IGHMBP2: variants seen among roughly 807,000 people sequenced by gnomAD.
IGHMBP2 encodes the protein DNA-binding protein SMUBP-2.
IGHMBP2 carries 81 observed loss-of-function variants against 96.0 expected under a neutral mutation model. That is an observed-to-expected ratio of 0.84 (90% confidence interval 0.71 to 1.01). IGHMBP2 has a LOEUF of 1.01. Ranked by LOEUF, IGHMBP2 falls within the 50% of genes least tolerant of loss-of-function variation. The pLI is 0.00. For synonymous variants in IGHMBP2, 557 were observed against 548.9 expected, an observed-to-expected ratio of 1.01 and a Z score of -0.21; for missense variants, 1,227 against 1,306.3, an observed-to-expected ratio of 0.94 and a Z score of 0.94.
chr11:68,907,461 G>T (rs533268912), intron 2 of IGHMBP2, among the ~76,000 whole-genome samples: 1 of 152,162 alleles, frequency 6.6e-6, no homozygotes, highest in South Asian at 2.1e-4. Flanking sequence ...TTAACCACAC[G>T]CCTGGGATGC....
rs373408947 is a variant in IGHMBP2, at chr11:68,939,571, G to T, written c.2822G>T (p.Arg941Leu). Residue 941 changes from arginine (R) to leucine (L), a missense_variant, in exon 15 of 15, where the codon CGG (arginine) becomes CTG (leucine). Coordinates refer to ENST00000255078, the MANE Select transcript of IGHMBP2 (RefSeq NM_002180.3). Reference sequence around the variant, plus strand: ...GGTGAGAGGGCTCGCGCCCATGCCCGGCAGAGAATCAGCCGGGAAGGGGTC... The same window carrying T: ...GGTGAGAGGGCTCGCGCCCATGCCCTGCAGAGAATCAGCCGGGAAGGGGTC... The part of the protein sequence containing the change: ...GCGERARAHA[R>L]QRISREGVLY... 6.2e-7 allele frequency: 1 copy of T among 1,612,800 alleles called. No homozygotes were observed. Among genetic ancestry groups the T allele is most frequent in the Non-Finnish European group, 8.5e-7 (1 of 1,180,022 alleles).
chr11:68,906,683 C>T (rs1380665881), intron 2 of IGHMBP2, among the ~76,000 whole-genome samples: 1 of 130,032 alleles, frequency 7.7e-6, no homozygotes, highest in Admixed American at 8.5e-5. Flanking sequence ...GCTCTTATTG[C>T]CCAGTCTGGA....
In IGHMBP2 at chr11:68,911,510, G is replaced by A; in HGVS notation, c.618G>A (p.Gln206=). ...QKEAVLFALS[Q]KELAIIHGPP... Reference sequence around the variant, plus strand: ...AAGCGGTTTTATTTGCGCTGTCTCAGAAAGAACTTGCCATCATCCATGGAC... The same window carrying A: ...AAGCGGTTTTATTTGCGCTGTCTCAAAAAGAACTTGCCATCATCCATGGAC... Residue 206 remains glutamine, a synonymous_variant, in exon 5 of 15, where the codon CAG becomes CAA. Coordinates refer to ENST00000255078, the MANE Select transcript of IGHMBP2 (RefSeq NM_002180.3). 6.2e-7 allele frequency: 1 copy of A among 1,614,156 alleles called. No individual in the cohort carries two copies. The highest frequency in any genetic ancestry group is 8.5e-7 in the Non-Finnish European group (1 of 1,180,012).
intron 7 of IGHMBP2, among the ~76,000 whole-genome samples, chr11:68,919,391 T>A (rs1858795750): frequency 6.6e-6 from 1 of 152,206 alleles, no homozygotes; most frequent in African/African-American, 2.4e-5. Context: ...CAGCTCAGCC[T>A]CCTGAGGAGC....
Position 68,939,721 on chromosome 11 carries a change from G to C in IGHMBP2, c.2972G>C (p.Arg991Thr), listed in dbSNP as rs1176314938. The C allele has an allele frequency of 3.7e-6, 6 of 1,609,682 alleles. No individual in the cohort carries two copies. The Admixed American group carries it at 8.4e-5, about 23-fold the overall frequency. ...SNQRTSRRKE[R>T]GT ...CAGAGGACCAGCCGGAGGAAGGAGA[G>C]GGGGACGTGACCGGCCGCATCCTTG... is the stretch of plus-strand genomic sequence containing the variant. The change falls in exon 15 of 15, where the codon AGG becomes ACG. Residue 991 changes from arginine (R) to threonine (T), a missense_variant. By Grantham distance (71) the Arg-to-Thr change is moderately conservative. This residue lies in a region of IGHMBP2 where 703 missense variants were observed against 770.3 expected (regional missense o/e 0.91). Transcript: ENST00000255078.
rs1858437723 is a variant in IGHMBP2, at chr11:68,911,556, A to G, written c.664A>G (p.Thr222Ala). ...TGGACCTCCTGGCACTGGGAAAACCACGACTGTGGTTGAGATCATTCTTCA... is the reference window on the plus strand; with the variant it reads ...TGGACCTCCTGGCACTGGGAAAACCGCGACTGTGGTTGAGATCATTCTTCA... ...IHGPPGTGKTTTVVEIILQAV... is the reference protein window; with the variant it reads ...IHGPPGTGKTATVVEIILQAV... The change falls in exon 5 of 15, where the codon ACG (threonine) becomes GCG (alanine). Residue 222 changes from threonine (T) to alanine (A), a missense_variant. Thr to Ala is a moderately conservative substitution (Grantham distance 58). This residue lies in a region of IGHMBP2 where 507 missense variants were observed against 496.9 expected (regional missense o/e 1.02). Transcript: ENST00000255078. 1.3e-5 allele frequency: 21 copies of G among 1,614,202 alleles called. No homozygotes were observed. Among genetic ancestry groups the G allele is most frequent in the Non-Finnish European group, 1.8e-5 (21 of 1,180,040 alleles).
At position 68,917,893 on chromosome 11, in the gene IGHMBP2, C is replaced by T. The variant is rs200170825; in HGVS notation, c.1060+10C>T. The T allele has an allele frequency of 5.7e-5, 92 of 1,613,420 alleles. 1 individual carries two copies. Among genetic ancestry groups the T allele is most frequent in the Admixed American group, 2.5e-4 (15 of 60,004 alleles). ...CTTGCAACAAACACAGGTGAGGGGG[C>T]GTCTCCATCCTGCCTGTGTGGCCTC... On this transcript the variant is annotated intron_variant, in intron 7 of 14. Transcript: ENST00000255078.
rs892709461 is a variant in IGHMBP2 at position 68,904,803 on chromosome 11, C to CTTTTCTTTTTTTTTTTTTTTTT, written c.86+769_86+770insCTTTTTTTTTTTTTTTTTTTTT. Reference sequence around the variant, plus strand: ...GTGTAAGTTTCTTTTTTTTCTTTTTCTTTTTTTTTTTTTTAGACAGAGTCT... The same window carrying CTTTTCTTTTTTTTTTTTTTTTT: ...GTGTAAGTTTCTTTTTTTTCTTTTTCTTTTCTTTTTTTTTTTTTTTTTTTTTTTTTTTTTTTAGACAGAGTCT... On this transcript the variant is annotated intron_variant, in intron 1 of 14. Coordinates refer to ENST00000255078, the MANE Select transcript of IGHMBP2 (RefSeq NM_002180.3). Among the ~76,000 whole-genome samples, 51 of 120,976 alleles carry CTTTTCTTTTTTTTTTTTTTTTT rather than the reference C, an allele frequency of 4.2e-4. 5 individuals are homozygous for CTTTTCTTTTTTTTTTTTTTTTT. Among genetic ancestry groups the CTTTTCTTTTTTTTTTTTTTTTT allele is most frequent in the Non-Finnish European group, 6.7e-4 (39 of 58,288 alleles). 79.4% of individuals were successfully genotyped at this position (120,976 alleles called of 152,430 possible). A position where few individuals can be genotyped will look rare whatever the true frequency, so the allele number is the denominator to read the frequency against.
intron 14 of IGHMBP2, 37 bp from the exon 15 acceptor site, chr11:68,939,497 C>T: frequency 1.2e-6 from 2 of 1,608,842 alleles, no homozygotes; most frequent in Admixed American, 1.7e-5. Flanking sequence ...CCTCCTTGCC[C>T]CTGTGAGCCC....
intron 2 of IGHMBP2, 27 bp downstream of exon 2, chr11:68,906,265 A>T (rs201488313): frequency 8.2e-5 from 132 of 1,612,576 alleles, no homozygotes; most frequent in Non-Finnish European, 1.1e-4. Flanking sequence ...CTAGACAGAC[A>T]TTGAAATTTA....
chr11:68,921,837 G>A (rs565095699), intron 7 of IGHMBP2, among the ~76,000 whole-genome samples: 1 of 152,236 alleles, frequency 6.6e-6, no homozygotes, highest in South Asian at 2.1e-4. Flanking sequence ...AGTAGCTTTT[G>A]TATGTCTGAA....
rs756098584 is a variant in IGHMBP2 at position 68,936,914 on chromosome 11, C to T, written c.2434C>T (p.Pro812Ser). The T allele has an allele frequency of 1.9e-6, 3 of 1,605,506 alleles. No individual in the cohort carries two copies. In the Admixed American group the frequency reaches 5.1e-5, roughly 27 times the overall value. The change falls in exon 13 of 15, where the codon CCT becomes TCT. Residue 812 changes from proline to serine, a missense_variant. Physicochemically the swap from Pro to Ser is moderately conservative, Grantham distance 74 (BLOSUM62 -1). This residue lies in a region of IGHMBP2 where 703 missense variants were observed against 770.3 expected (regional missense o/e 0.91). Transcript: ENST00000255078. ...CCCTCTCCAGCCAGTGCCCCCTACC[C>T]CTGCGCAGACAGAGCAGCCTCCCAG... ...PAPLQPVPPT[P>S]AQTEQPPREQ...
At chr11:68,908,725 A>G (rs924813261) in intron 4 of IGHMBP2, 94 bp downstream of exon 4, 8 of 845,010 alleles carry the variant, frequency 9.5e-6, no homozygotes, top group African/African-American at 1.7e-5. Context: ...GAGTTTGAGA[A>G]AGTATGACTA....
intron 7 of IGHMBP2, 112 bp downstream of exon 7, chr11:68,917,995 G>T: frequency 8.2e-7 from 1 of 1,220,898 alleles, no homozygotes. Context: ...TTTCTTAAAA[G>T]TTGGGTAGGG....
At chr11:68,930,056 C>T (rs1461454383) in intron 8 of IGHMBP2, 1 of 1,154,108 alleles carries the variant, frequency 8.7e-7, no homozygotes, top group Admixed American at 4.1e-5. Flanking sequence ...CTGCCTGGAC[C>T]ACTCCTGCCT....
intron 8 of IGHMBP2, chr11:68,930,519 G>C: frequency 7.9e-7 from 1 of 1,259,046 alleles, no homozygotes; most frequent in Non-Finnish European, 1.0e-6. Context: ...GGAAGAAAGA[G>C]GAGTGCTGAG....
chr11:68,918,618 G>T (rs910177933), intron 7 of IGHMBP2, among the ~76,000 whole-genome samples: 6 of 151,796 alleles, frequency 4.0e-5, no homozygotes, highest in African/African-American at 1.5e-4. Flanking sequence ...CTCCAGCCTG[G>T]GTGACAGAGC....
At chr11:68,925,142 C>CTTTTTT (rs921409570) in intron 7 of IGHMBP2, among the ~76,000 whole-genome samples, 3 of 108,722 alleles carry the variant, frequency 2.8e-5, no homozygotes, top group African/African-American at 6.8e-5. Context: ...AGTCCAGGTT[C>CTTTTTT]TTTTTTTTTT....
Position 68,939,467 on chromosome 11 carries a change from A to G in IGHMBP2, c.2785-67A>G, listed in dbSNP as rs568862. 813,710 of 1,554,654 alleles carry G rather than the reference A, an allele frequency of 0.52. 217,714 individuals are homozygous for G. Among genetic ancestry groups the G allele is most frequent in the Middle Eastern group, 0.59 (2,535 of 4,330 alleles). ...GCCTGTGGCCCCCCAGCTCTTTGAT[A>G]GGCAGAGCTGCAGGATCTGCCTCCT... On this transcript the variant is annotated intron_variant, in intron 14 of 14. Coordinates refer to ENST00000255078, the MANE Select transcript of IGHMBP2 (RefSeq NM_002180.3).
Sources: allele counts gnomAD v4.1 joint callset (sites outside exome capture counted in the v4.1 genomes callset), GRCh38; gene constraint gnomAD v4.1.1; regional missense constraint gnomAD v4.1.1; transcripts MANE v1.5; gene names NCBI Gene and HGNC (gene_info 2026-07-23, HGNC 2026-07-21).